Variants in TMEFF2 observed in about 807,000 individuals in gnomAD.
TMEFF2 encodes transmembrane protein with EGF like and two follistatin like domains 2, also known as tomoregulin-2.
A neutral mutation model predicts 53.8 loss-of-function variants in TMEFF2; 28 were observed. The ratio of observed to expected loss-of-function variants is 0.52; its 90% CI spans 0.39 to 0.71. The LOEUF (loss-of-function observed/expected upper bound fraction) is 0.71. Ranked by LOEUF, TMEFF2 falls within the 30% of genes least tolerant of loss-of-function variation. TMEFF2 has a pLI of 0.00. For missense variants in TMEFF2, 353 were observed against 455.2 expected, an observed-to-expected ratio of 0.78 and a Z score of 2.04; for synonymous variants, 162 against 166.3, an observed-to-expected ratio of 0.97 and a Z score of 0.20.
At chr2:192,161,071 G>A (rs540605246) in intron 4 of TMEFF2, among the ~76,000 whole-genome samples, 1 of 152,208 alleles carries the variant, frequency 6.6e-6, no homozygotes, top group Admixed American at 6.5e-5. Context: ...CCGTCTCCCA[G>A]TCTCATCTTC....
intron 4 of TMEFF2, among the ~76,000 whole-genome samples, chr2:192,165,949 T>C (rs184834536): frequency 6.6e-6 from 1 of 152,254 alleles, no homozygotes; most frequent in Admixed American, 6.5e-5. Context: ...TTTTGAAACA[T>C]TATTCAGTGT....
At chr2:192,023,850 T>C (rs1686912492) in intron 5 of TMEFF2, among the ~76,000 whole-genome samples, 1 of 152,170 alleles carries the variant, frequency 6.6e-6, no homozygotes, top group South Asian at 2.1e-4. Flanking sequence ...GGGGGCAGAC[T>C]ATACTCATTG....
intron 4 of TMEFF2, among the ~76,000 whole-genome samples, chr2:192,162,977 T>C (rs1018699242): frequency 1.3e-5 from 2 of 152,172 alleles, no homozygotes; most frequent in Non-Finnish European, 2.9e-5. Context: ...TGCTTATATA[T>C]TGATAATAAG....
chr2:191,988,697 G>A lies in TMEFF2; in HGVS notation c.745+9565C>T, dbSNP rs551317339. Among the ~76,000 whole-genome samples the A allele has an allele frequency of 1.9e-3, 296 of 151,910 alleles. 1 individual carries two copies. The highest frequency in any genetic ancestry group is 4.2e-3 in the Admixed American group (64 of 15,236). On this transcript the variant is annotated intron_variant, in intron 7 of 9. Coordinates refer to ENST00000272771, the MANE Select transcript of TMEFF2 (RefSeq NM_016192.4). ...CAGACATTTATTTTCATTAGTAAATGAAATTTTTAAAGACATACTTTTGGG... is the reference window on the plus strand; with the variant it reads ...CAGACATTTATTTTCATTAGTAAATAAAATTTTTAAAGACATACTTTTGGG...
chr2:192,050,957 C>T (rs1043127492), intron 5 of TMEFF2, among the ~76,000 whole-genome samples: 1 of 152,120 alleles, frequency 6.6e-6, no homozygotes, highest in African/African-American at 2.4e-5. Flanking sequence ...TATGTGCACT[C>T]CCCACCCCGA....
intron 4 of TMEFF2, among the ~76,000 whole-genome samples, chr2:192,083,995 T>C (rs565624955): frequency 4.6e-5 from 7 of 152,242 alleles, no homozygotes; most frequent in African/African-American, 1.7e-4. Context: ...AGAATCATTG[T>C]TACCATTGAT....
At chr2:192,005,082 G>C (rs1214651405) in intron 5 of TMEFF2, among the ~76,000 whole-genome samples, 1 of 152,112 alleles carries the variant, frequency 6.6e-6, no homozygotes, top group Non-Finnish European at 1.5e-5. Context: ...TCTGTATGTG[G>C]TAATACTACC....
At chr2:192,085,681 G>C (rs1255517218) in intron 4 of TMEFF2, among the ~76,000 whole-genome samples, 1 of 149,640 alleles carries the variant, frequency 6.7e-6, no homozygotes, top group African/African-American at 2.5e-5. Context: ...CATATCTATG[G>C]AGATAGAAAG....
chr2:191,953,409 T>G (rs545481817), intron 9 of TMEFF2, among the ~76,000 whole-genome samples: 1 of 152,338 alleles, frequency 6.6e-6, no homozygotes, highest in East Asian at 1.9e-4. Context: ...ATAAGGATAC[T>G]AATCCAGGTA....
intron 7 of TMEFF2, among the ~76,000 whole-genome samples, chr2:191,974,742 T>C (rs1333742495): frequency 6.6e-6 from 1 of 152,168 alleles, no homozygotes; most frequent in Non-Finnish European, 1.5e-5. Flanking sequence ...ATCAGGGAAG[T>C]TAATGTTCAG....
rs574613407 is a variant in TMEFF2 at position 192,117,247 on chromosome 2, C to T, written c.440-59472G>A. Reference sequence around the variant, plus strand: ...TTAAGGATAATTTTCAGAAACTATACGTGATACTAGAATTTATTTCTGAGA... The same window carrying T: ...TTAAGGATAATTTTCAGAAACTATATGTGATACTAGAATTTATTTCTGAGA... On this transcript the variant is annotated intron_variant, in intron 4 of 9. Coordinates refer to ENST00000272771, the MANE Select transcript of TMEFF2 (RefSeq NM_016192.4). 2.3e-3 allele frequency among the ~76,000 whole-genome samples: 355 copies of T among 152,148 alleles called. 1 individual carries two copies. The highest frequency in any genetic ancestry group is 3.5e-3 in the Non-Finnish European group (238 of 67,960).
At chr2:192,064,910 T>C (rs147899811) in intron 4 of TMEFF2, among the ~76,000 whole-genome samples, 1 of 151,986 alleles carries the variant, frequency 6.6e-6, no homozygotes, top group Non-Finnish European at 1.5e-5. Context: ...GAATATGCCA[T>C]TGATTCTGTA....
At chr2:192,105,370 T>C (rs1428480643) in intron 4 of TMEFF2, among the ~76,000 whole-genome samples, 2 of 151,840 alleles carry the variant, frequency 1.3e-5, no homozygotes, top group African/African-American at 4.8e-5. Flanking sequence ...AGCAGATATT[T>C]TTGAAATATT....
intron 4 of TMEFF2, among the ~76,000 whole-genome samples, chr2:192,089,234 A>G (rs1688734449): frequency 6.6e-6 from 1 of 151,386 alleles, no homozygotes; most frequent in Admixed American, 6.6e-5. Context: ...AAATCCCTTT[A>G]GGCTCAGGAA....
intron 7 of TMEFF2, among the ~76,000 whole-genome samples, chr2:191,960,032 A>C (rs1313881980): frequency 6.6e-6 from 1 of 152,090 alleles, no homozygotes; most frequent in Non-Finnish European, 1.5e-5. Flanking sequence ...ATGTGGGACT[A>C]GCTAACTTTT....
intron 7 of TMEFF2, among the ~76,000 whole-genome samples, chr2:191,971,632 A>G (rs759413973): frequency 6.6e-6 from 1 of 152,214 alleles, no homozygotes; most frequent in Non-Finnish European, 1.5e-5. Context: ...TTCTAAATTT[A>G]CTAGAGCTTG....
chr2:192,133,046 G>A lies in TMEFF2; in HGVS notation c.439+46622C>T, dbSNP rs561716377. 2.6e-3 allele frequency among the ~76,000 whole-genome samples: 388 copies of A among 152,082 alleles called. 1 individual carries two copies. Among genetic ancestry groups the A allele is most frequent in the African/African-American group, 8.8e-3 (363 of 41,472 alleles). On this transcript the variant is annotated intron_variant, in intron 4 of 9. Coordinates refer to ENST00000272771, the MANE Select transcript of TMEFF2 (RefSeq NM_016192.4). ...TCAAGGGCCTGTTGCCCTTGCCTCC[G>A]TAACTGTTGTAGGTATTGACGGCCA...
chr2:192,061,231 A>G (rs1328079265), intron 4 of TMEFF2, among the ~76,000 whole-genome samples: 1 of 152,196 alleles, frequency 6.6e-6, no homozygotes, highest in Non-Finnish European at 1.5e-5. Flanking sequence ...ACACATGGGT[A>G]AGCATTGTAA....
intron 4 of TMEFF2, among the ~76,000 whole-genome samples, chr2:192,157,897 C>A (rs1303260900): frequency 6.6e-6 from 1 of 152,056 alleles, no homozygotes; most frequent in Non-Finnish European, 1.5e-5. Context: ...CCTGAAAATG[C>A]CATGCTGTTC....
Sources: gnomAD v4.1 joint callset for allele counts (sites outside exome capture counted in the v4.1 genomes callset) on GRCh38, gnomAD v4.1.1 for gene constraint, MANE v1.5 for transcripts, NCBI Gene and HGNC (gene_info 2026-07-23, HGNC 2026-07-21) for gene names.